The following TMEM62 variants were observed in gnomAD, a reference collection of about 807,000 sequenced individuals.
TMEM62 encodes transmembrane protein 62.
Under a neutral mutation model 70.4 loss-of-function variants are expected in TMEM62, and 41 were observed. The observed-to-expected ratio is 0.58, with a 90% CI of 0.45 to 0.76. The LOEUF is 0.76. TMEM62 is among the 30% of genes least tolerant of loss of function. The pLI is 0.00. For missense variants in TMEM62, 688 were observed against 788.5 expected (o/e 0.87, Z 1.53); for synonymous variants, 268 against 291.0 (o/e 0.92, Z 0.80).
intron 10 of TMEM62, 25 bp from the exon 11 acceptor site, chr15:43,169,568 C>G: frequency 6.3e-7 from 1 of 1,597,774 alleles, no homozygotes; most frequent in East Asian, 2.2e-5. Context: ...GTATCTATTT[C>G]ACGTTAACAT....
chr15:43,150,693 C>T (rs555219872), intron 7 of TMEM62, among the ~76,000 whole-genome samples: 1 of 152,280 alleles, frequency 6.6e-6, no homozygotes, highest in East Asian at 1.9e-4. Context: ...CAGACTTCCT[C>T]CATCTTAAAA....
chr15:43,176,552 A>G (rs950934030), intron 11 of TMEM62, among the ~76,000 whole-genome samples: 1 of 152,268 alleles, frequency 6.6e-6, no homozygotes, highest in South Asian at 2.1e-4. Context: ...TGCAGCCACC[A>G]CTGATGATAC....
chr15:43,179,649 A>T (rs1296963133), intron 12 of TMEM62: 2 of 152,164 alleles, frequency 1.3e-5, no homozygotes, highest in African/African-American at 4.8e-5. Flanking sequence ...AATCACCATA[A>T]ATCTTTTAGG....
Position 43,149,132 on chromosome 15 carries a change from G to C in TMEM62, c.847G>C (p.Asp283His). The change falls in exon 7 of 14, where the codon GAC (aspartate) becomes CAC (histidine). Residue 283 changes from aspartate to histidine, a missense_variant. Transcript: ENST00000260403. The part of the protein sequence containing the change: ...FQGTLELEVG[D>H]WKDNRRYRIF... ...GGGCACTTTGGAACTTGAGGTGGGAGACTGGAAGGATAATAGGAGGTAAGG... is the reference window on the plus strand; with the variant it reads ...GGGCACTTTGGAACTTGAGGTGGGACACTGGAAGGATAATAGGAGGTAAGG... 6.2e-7 allele frequency: 1 copy of C among 1,614,062 alleles called. No homozygotes were observed. Among genetic ancestry groups the C allele is most frequent in the Non-Finnish European group, 8.5e-7 (1 of 1,180,008 alleles).
intron 9 of TMEM62, 39 bp from the exon 10 acceptor site, chr15:43,160,642 T>C (rs538698518): frequency 2.7e-5 from 29 of 1,068,646 alleles, no homozygotes; most frequent in African/African-American, 1.3e-4. Flanking sequence ...AATATTTCCA[T>C]GTACATGAAA....
intron 11 of TMEM62, among the ~76,000 whole-genome samples, chr15:43,177,055 G>C (rs1291655180): frequency 2.6e-5 from 4 of 152,064 alleles, no homozygotes; most frequent in African/African-American, 9.7e-5. Flanking sequence ...AGCCTCAGGA[G>C]CCGATGCGAT....
In TMEM62 at chr15:43,154,730, C is replaced by T. The variant is rs1461183163; in HGVS notation, c.1081C>T (p.His361Tyr). ...TSVTVKIDGV[H>Y]LGQAVHVSGP... ...TGTCACAGTTAAGATTGATGGAGTT[C>T]ATTTAGGCCAGGCTGTTCATGTGTC... Residue 361 changes from histidine to tyrosine, a missense_variant, in exon 9 of 14, where the codon CAT (histidine) becomes TAT (tyrosine). Transcript: ENST00000260403. 1.9e-6 allele frequency: 3 copies of T among 1,613,862 alleles called. No individual in the cohort carries two copies. Among genetic ancestry groups the T allele is most frequent in the South Asian group, 2.2e-5 (2 of 91,030 alleles).
At chr15:43,175,538 C>A (rs2040630560) in intron 11 of TMEM62, among the ~76,000 whole-genome samples, 1 of 152,198 alleles carries the variant, frequency 6.6e-6, no homozygotes. Context: ...GTACTGTAGA[C>A]TGTGGCCGCA....
chr15:43,133,898 C>G lies in TMEM62; in HGVS notation c.96C>G (p.Pro32=). 1 of 1,500,336 alleles carries G rather than the reference C, an allele frequency of 6.7e-7. No homozygotes were observed. The highest frequency in any genetic ancestry group is 8.8e-7 in the Non-Finnish European group (1 of 1,132,636). The allele number at this position is 1,500,336 out of a possible 1,614,324, so 92.9% of individuals were successfully genotyped here. A position where few individuals can be genotyped will look rare whatever the true frequency, so the allele number is the denominator to read the frequency against. The change falls in exon 1 of 14, where the codon CCC becomes CCG. Residue 32 remains proline, a synonymous_variant. Coordinates refer to ENST00000260403, the MANE Select transcript of TMEM62 (RefSeq NM_024956.4). ...LLEHYGLAGQ[P]SPLPRPAPPR... is the part of the protein sequence containing the mutation. ...AGCACTACGGCCTGGCGGGCCAGCC[C>G]TCGCCGCTGCCGCGCCCCGCGCCCC...
At chr15:43,175,109 A>C (rs1273077853) in intron 11 of TMEM62, among the ~76,000 whole-genome samples, 1 of 152,248 alleles carries the variant, frequency 6.6e-6, no homozygotes, top group Non-Finnish European at 1.5e-5. Context: ...AATGGAGAAT[A>C]ATTACTTAAA....
chr15:43,180,058 G>A (rs2041182885), intron 12 of TMEM62: 1 of 152,148 alleles, frequency 6.6e-6, no homozygotes, highest in African/African-American at 2.4e-5. Flanking sequence ...TTTATATAAA[G>A]TATATCTGAG....
In TMEM62 at chr15:43,168,144, AGAGAGG is replaced by A. The variant is rs1204034374; in HGVS notation, c.1297-1426_1297-1421del. 7.5e-3 allele frequency among the ~76,000 whole-genome samples: 661 copies of A among 88,288 alleles called. 7 individuals carry two copies. The highest frequency in any genetic ancestry group is 0.011 in the Non-Finnish European group (504 of 46,284). The allele number at this position is 88,288 out of a possible 152,430, so 57.9% of individuals were successfully genotyped here. A position where few individuals can be genotyped will look rare whatever the true frequency, so the allele number is the denominator to read the frequency against. ...AGAGGGAGAGGGAGACCGTGGGGAG[AGAGAGG>A]GAGAGGGAGAGGGAGAGGGAGACGG... On this transcript the variant is annotated intron_variant, in intron 10 of 13. Transcript: ENST00000260403.
rs1180566587 is a variant in TMEM62 at position 43,146,553 on chromosome 15, C to G, written c.537C>G (p.Gly179=). 1 of 1,613,786 alleles carries G rather than the reference C, an allele frequency of 6.2e-7. No homozygotes were observed. Among genetic ancestry groups the G allele is most frequent in the African/African-American group, 1.3e-5 (1 of 75,046 alleles). The change falls in exon 5 of 14, where the codon GGC becomes GGG. Residue 179 remains glycine (G), a synonymous_variant. Coordinates refer to ENST00000260403, the MANE Select transcript of TMEM62 (RefSeq NM_024956.4). ...SFHYVHSTPF[G]NYSFICVDAT... is the part of the protein sequence containing the mutation. ...ATTATGTCCACAGTACTCCCTTTGG[C>G]AACTATTCGTTCATCTGTGTAGATG...
intron 4 of TMEM62, among the ~76,000 whole-genome samples, chr15:43,143,428 T>G (rs2036300108): frequency 6.6e-6 from 1 of 152,258 alleles, no homozygotes; most frequent in African/African-American, 2.4e-5. Flanking sequence ...TTGCAATATT[T>G]GCTTTATTGT....
At chr15:43,181,394 C>T (rs2041315059) in intron 13 of TMEM62, 95 bp downstream of exon 13, 1 of 789,490 alleles carries the variant, frequency 1.3e-6, no homozygotes, top group Admixed American at 2.1e-5. Context: ...GAATTAAGTA[C>T]CATAGATCAT....
chr15:43,146,350 C>G lies in TMEM62; in HGVS notation c.477-143C>G, dbSNP rs139756954. The G allele has an allele frequency of 1.1e-3, 813 of 724,210 alleles. 2 individuals are homozygous for G. The highest frequency in any genetic ancestry group is 5.4e-3 in the Middle Eastern group (20 of 3,738). 44.9% of individuals were successfully genotyped at this position (724,210 alleles called of 1,614,324 possible). ...AAACTTTGAAATTTCATCAGTTTAT[C>G]CATTGTGGATCTAGTTTAGTATATT... On this transcript the variant is annotated intron_variant, in intron 4 of 13. Coordinates refer to ENST00000260403, the MANE Select transcript of TMEM62 (RefSeq NM_024956.4).
intron 4 of TMEM62, among the ~76,000 whole-genome samples, chr15:43,145,268 G>A (rs977391176): frequency 4.3e-5 from 6 of 140,270 alleles, no homozygotes; most frequent in Non-Finnish European, 7.6e-5. Context: ...GCAGTGGCAC[G>A]ATCTCCACTC....
At chr15:43,142,732 G>C (rs9744213) in intron 4 of TMEM62, among the ~76,000 whole-genome samples, 1 of 149,726 alleles carries the variant, frequency 6.7e-6, no homozygotes, top group South Asian at 2.1e-4. Context: ...GCAATGGCGC[G>C]ATCTCAGCTC....
In TMEM62 at chr15:43,179,087, A is replaced by G. The variant is rs549609861; in HGVS notation, c.1486+376A>G. Among the ~76,000 whole-genome samples, 14 of 152,212 alleles carry G rather than the reference A, an allele frequency of 9.2e-5. No homozygotes were observed. In the South Asian group the frequency reaches 2.7e-3, roughly 29 times the overall value. On this transcript the variant is annotated intron_variant, in intron 12 of 13. Transcript: ENST00000260403. Reference sequence around the variant, plus strand: ...TTTATACCTATCTTCTGTGTTTATTATCTATTAACTCATTAAAATATTCAC... The same window carrying G: ...TTTATACCTATCTTCTGTGTTTATTGTCTATTAACTCATTAAAATATTCAC...
Sources: allele counts gnomAD v4.1 joint callset (sites outside exome capture counted in the v4.1 genomes callset), GRCh38; gene constraint gnomAD v4.1.1; transcripts MANE v1.5; gene names NCBI Gene and HGNC (gene_info 2026-07-23, HGNC 2026-07-21).